CFAP299: variants seen among roughly 807,000 people sequenced by gnomAD.
CFAP299 encodes the protein cilia- and flagella-associated protein 299.
In CFAP299, 21 loss-of-function variants were observed where a neutral mutation model predicts 27.0. That is an observed-to-expected ratio of 0.78 (90% CI 0.55 to 1.12). The LOEUF (loss-of-function observed/expected upper bound fraction) is 1.12, where lower values mean the gene tolerates loss of function less well. CFAP299 is among the 50% of genes most tolerant of loss of function. The pLI is 0.00. For synonymous variants in CFAP299, 104 were observed against 98.1 expected, an observed-to-expected ratio of 1.06 and a Z score of -0.36; for missense variants, 310 against 276.6, an observed-to-expected ratio of 1.12 and a Z score of -0.86.
At chr4:80,811,232 C>T (rs1729138615) in intron 3 of CFAP299, among the ~76,000 whole-genome samples, 1 of 152,046 alleles carries the variant, frequency 6.6e-6, no homozygotes, top group Non-Finnish European at 1.5e-5. Flanking sequence ...TACCAAGAAG[C>T]ATATGTACCC....
chr4:80,406,631 A>G (rs1169685551), intron 2 of CFAP299, among the ~76,000 whole-genome samples: 1 of 152,148 alleles, frequency 6.6e-6, no homozygotes, highest in African/African-American at 2.4e-5. Flanking sequence ...TAGTCTCCCA[A>G]AGCACTGGGA....
At chr4:80,443,364 G>A (rs1728459799) in intron 2 of CFAP299, among the ~76,000 whole-genome samples, 1 of 152,174 alleles carries the variant, frequency 6.6e-6, no homozygotes, top group South Asian at 2.1e-4. Context: ...TGGGATGCAA[G>A]GCTGGTTCAA....
chr4:80,702,243 T>C (rs1721539101), intron 3 of CFAP299, among the ~76,000 whole-genome samples: 1 of 151,916 alleles, frequency 6.6e-6, no homozygotes, highest in East Asian at 1.9e-4. Flanking sequence ...TAGTTCAATA[T>C]TTGTAAATAT....
chr4:80,405,074 A>T (rs115769087), intron 2 of CFAP299, among the ~76,000 whole-genome samples: 1 of 152,212 alleles, frequency 6.6e-6, no homozygotes, highest in Admixed American at 6.5e-5. Flanking sequence ...TATAGGAGGT[A>T]TGGACAATTG....
chr4:80,847,759 A>C (rs968072245), intron 3 of CFAP299, among the ~76,000 whole-genome samples: 1 of 152,196 alleles, frequency 6.6e-6, no homozygotes, highest in African/African-American at 2.4e-5. Flanking sequence ...AATAGCTTTT[A>C]GGGCTACTAT....
chr4:80,705,707 T>C (rs1448128101), intron 3 of CFAP299, among the ~76,000 whole-genome samples: 1 of 151,892 alleles, frequency 6.6e-6, no homozygotes, highest in African/African-American at 2.4e-5. Flanking sequence ...TCTATTTAGT[T>C]GTTGCCTGAA....
intron 3 of CFAP299, among the ~76,000 whole-genome samples, chr4:80,595,711 GAA>G (rs745929422): frequency 3.9e-5 from 6 of 152,228 alleles, no homozygotes; most frequent in Non-Finnish European, 1.5e-5. Flanking sequence ...CCTAAGAAAT[GAA>G]AGTGTCTTTG....
chr4:80,870,409 C>T, intron 4 of CFAP299: 1 of 1,078,236 alleles, frequency 9.3e-7, no homozygotes, highest in Non-Finnish European at 1.1e-6. Flanking sequence ...ATTTTGTTAA[C>T]CTCATGAGGC....
At chr4:80,433,158 A>G (rs1727907640) in intron 2 of CFAP299, among the ~76,000 whole-genome samples, 1 of 150,590 alleles carries the variant, frequency 6.6e-6, no homozygotes, top group Non-Finnish European at 1.5e-5. Flanking sequence ...CCTATGAAAA[A>G]CCACAGAGGA....
intron 3 of CFAP299, among the ~76,000 whole-genome samples, chr4:80,854,736 C>T (rs900862700): frequency 2.3e-5 from 3 of 130,616 alleles, no homozygotes; most frequent in South Asian, 2.6e-4. Context: ...GGAGCGTGGG[C>T]GTTTATGGTC....
At chr4:80,924,320 AG>A (rs1230044278) in intron 4 of CFAP299, among the ~76,000 whole-genome samples, 2 of 151,870 alleles carry the variant, frequency 1.3e-5, no homozygotes, top group African/African-American at 4.8e-5. Flanking sequence ...GTTCAAAAAA[AG>A]ACCACAGTAT....
chr4:80,917,786 A>G (rs1286551927), intron 4 of CFAP299, among the ~76,000 whole-genome samples: 1 of 152,172 alleles, frequency 6.6e-6, no homozygotes, highest in Non-Finnish European at 1.5e-5. Context: ...GAAAAAGACA[A>G]TTACCAGGAT....
chr4:80,958,319 T>G (rs553844278), intron 5 of CFAP299, among the ~76,000 whole-genome samples: 3 of 152,286 alleles, frequency 2.0e-5, no homozygotes, highest in African/African-American at 2.4e-5. Context: ...TCAATGAACA[T>G]TGTTTTCAAA....
intron 4 of CFAP299, among the ~76,000 whole-genome samples, chr4:80,941,747 G>T (rs1578255720): frequency 6.6e-6 from 1 of 152,272 alleles, no homozygotes; most frequent in East Asian, 1.9e-4. Context: ...ACATGCTTTT[G>T]GGGAGGTCTT....
chr4:80,686,742 G>A (rs1182568342), intron 3 of CFAP299, among the ~76,000 whole-genome samples: 1 of 152,170 alleles, frequency 6.6e-6, no homozygotes, highest in Non-Finnish European at 1.5e-5. Context: ...CTCTTGTGAT[G>A]TGAAGCAGCT....
intron 3 of CFAP299, among the ~76,000 whole-genome samples, chr4:80,723,696 C>G (rs1190350497): frequency 6.6e-6 from 1 of 151,794 alleles, no homozygotes. Context: ...ATTTAAGCTA[C>G]ACAATTTAAA....
intron 2 of CFAP299, among the ~76,000 whole-genome samples, chr4:80,575,183 A>G (rs533734788): frequency 6.6e-6 from 1 of 152,094 alleles, no homozygotes; most frequent in East Asian, 1.9e-4. Context: ...TCATGGTTCA[A>G]TTTTGGTAAG....
At chr4:80,453,841 A>AAATAAT (rs10692004) in intron 2 of CFAP299, among the ~76,000 whole-genome samples, 14,586 of 135,810 alleles carry the variant, frequency 0.11, 830 homozygotes, top group South Asian at 0.12. Context: ...ACCCTGTCTC[A>AAATAAT]AATAATAATA....
chr4:80,488,783 A>G (rs1730965491), intron 2 of CFAP299, among the ~76,000 whole-genome samples: 2 of 151,924 alleles, frequency 1.3e-5, no homozygotes, highest in African/African-American at 4.8e-5. Flanking sequence ...GCCGGTAACC[A>G]CTCCTAACTG....
Sources: gnomAD v4.1 joint callset for allele counts (sites outside exome capture counted in the v4.1 genomes callset) on GRCh38, gnomAD v4.1.1 for gene constraint, MANE v1.5 for transcripts, NCBI Gene and HGNC (gene_info 2026-07-23, HGNC 2026-07-21) for gene names.